PTPRN2: variants seen among roughly 807,000 people sequenced by gnomAD.
PTPRN2 encodes receptor-type tyrosine-protein phosphatase N2.
A neutral mutation model predicts 118.8 loss-of-function variants in PTPRN2; 74 were observed. The ratio of observed to expected loss-of-function variants is 0.62; its 90% CI spans 0.52 to 0.76. PTPRN2 has a LOEUF of 0.76. Ranked by LOEUF, PTPRN2 falls within the 30% of genes least tolerant of loss-of-function variation. The pLI is 0.00. For synonymous variants in PTPRN2, 641 were observed against 608.0 expected (o/e 1.05, Z -0.80); for missense variants, 1,481 against 1,394.4 (o/e 1.06, Z -0.99).
rs1237817979 is a variant in PTPRN2 at position 157,609,525 on chromosome 7, C to T, written c.2345-5450G>A. On this transcript the variant is annotated intron_variant, in intron 15 of 22. Coordinates refer to ENST00000389418, the MANE Select transcript of PTPRN2 (RefSeq NM_002847.5). This position sits in a 1 kb window ranked among gnomAD's most constrained non-coding sequence, Gnocchi z 4.9. Reference sequence around the variant, plus strand: ...ACGGACAGAACAGGGACTACTTTCCCGTTTTAGGCTGAAGAAACTAAGACT... The same window carrying T: ...ACGGACAGAACAGGGACTACTTTCCTGTTTTAGGCTGAAGAAACTAAGACT... 5.9e-5 allele frequency among the ~76,000 whole-genome samples: 9 copies of T among 152,334 alleles called. No individual in the cohort carries two copies. In the East Asian group the frequency reaches 1.5e-3, roughly 26 times the overall value.
intron 11 of PTPRN2, among the ~76,000 whole-genome samples, chr7:157,919,534 A>G (rs1798589135): frequency 6.6e-6 from 1 of 152,208 alleles, no homozygotes; most frequent in Non-Finnish European, 1.5e-5. Context: ...GAGGGAAGAA[A>G]TTAAGTAATA....
chr7:158,323,505 C>T (rs1474627417), intron 2 of PTPRN2, among the ~76,000 whole-genome samples: 2 of 152,174 alleles, frequency 1.3e-5, no homozygotes, highest in East Asian at 1.9e-4. Context: ...GACACAAAAG[C>T]TTTGAGGAGC....
chr7:158,174,064 G>C (rs1229981742), intron 5 of PTPRN2, among the ~76,000 whole-genome samples: 1 of 152,118 alleles, frequency 6.6e-6, no homozygotes, highest in African/African-American at 2.4e-5. Flanking sequence ...GACAGGCATA[G>C]GAAATTATAA....
chr7:158,579,122 C>T (rs552029222), intron 1 of PTPRN2, among the ~76,000 whole-genome samples: 6 of 152,302 alleles, frequency 3.9e-5, no homozygotes, highest in African/African-American at 1.4e-4. Flanking sequence ...GTGAAATAAA[C>T]TCCAAAGGGC....
intron 1 of PTPRN2, among the ~76,000 whole-genome samples, chr7:158,531,802 G>A (rs929305219): frequency 7.2e-5 from 11 of 152,116 alleles, no homozygotes; most frequent in African/African-American, 1.4e-4. Flanking sequence ...TAGAAAGAAC[G>A]TGGTGAACAG....
intron 12 of PTPRN2, among the ~76,000 whole-genome samples, chr7:157,696,969 G>A (rs545819661): frequency 0.014 from 817 of 59,232 alleles, 31 homozygotes; most frequent in African/African-American, 0.035. Context: ...AGCCCTCACC[G>A]TCTACCCATG....
At chr7:158,483,953 C>T (rs187940192) in intron 2 of PTPRN2, among the ~76,000 whole-genome samples, 5 of 152,082 alleles carry the variant, frequency 3.3e-5, no homozygotes, top group Non-Finnish European at 7.4e-5. Context: ...GCCTGGGAAA[C>T]ATAGTGAGAC....
intron 2 of PTPRN2, among the ~76,000 whole-genome samples, chr7:158,318,393 C>T (rs1254678287): frequency 1.3e-5 from 2 of 152,212 alleles, no homozygotes; most frequent in Non-Finnish European, 2.9e-5. Flanking sequence ...AACTGGGCAG[C>T]ACGTCGAGAC....
At chr7:157,686,090 C>T (rs1335939149) in intron 12 of PTPRN2, among the ~76,000 whole-genome samples, 1 of 152,198 alleles carries the variant, frequency 6.6e-6, no homozygotes, top group Non-Finnish European at 1.5e-5. Context: ...GAGGGTCTTA[C>T]TGCAGGGAAG....
chr7:158,154,735 A>T (rs1373867764), intron 6 of PTPRN2, among the ~76,000 whole-genome samples: 3 of 137,380 alleles, frequency 2.2e-5, no homozygotes, highest in African/African-American at 7.8e-5. Context: ...GTTATCATTA[A>T]TGAAAAATAA....
rs577448487 is a variant in PTPRN2, at chr7:158,122,865, G to A, written c.1556+10812C>T. Among the ~76,000 whole-genome samples the A allele has an allele frequency of 1.1e-4, 16 of 152,292 alleles. 1 individual carries two copies. In the East Asian group the frequency reaches 1.7e-3, roughly 17 times the overall value. On this transcript the variant is annotated intron_variant, in intron 9 of 22. Coordinates refer to ENST00000389418, the MANE Select transcript of PTPRN2 (RefSeq NM_002847.5). ...ACCTACACTTGTTCTTAACAAAACC[G>A]AAGGAAGCCTGCATAAAACTTCTCC...
At position 157,810,771 on chromosome 7, in the gene PTPRN2, C is replaced by A. The variant is rs184502616; in HGVS notation, c.1788+87902G>T. Among the ~76,000 whole-genome samples the A allele has an allele frequency of 1.8e-3, 259 of 146,104 alleles. 3 individuals carry two copies. Among genetic ancestry groups the A allele is most frequent in the African/African-American group, 5.7e-3 (224 of 39,114 alleles). ...ACGGGGACGGCGGGACTGCTGGGCA[C>A]AGGCTCTCCACAAGGACGGCAGGAC... On this transcript the variant is annotated intron_variant, in intron 12 of 22. Transcript: ENST00000389418.
chr7:157,916,202 C>T (rs960537540), intron 11 of PTPRN2, among the ~76,000 whole-genome samples: 27 of 152,226 alleles, frequency 1.8e-4, no homozygotes, highest in African/African-American at 5.5e-4. Context: ...GGTCTCTCCT[C>T]GGCCCCAGTC....
rs1382136980 is a variant in PTPRN2, at chr7:157,622,137, C to T, written c.2197-628G>A. ...AAACCCCCATGCCGCCAGCACAGCC[C>T]ACTCGGTTCTTATTCATCTGTACCG... On this transcript the variant is annotated intron_variant, in intron 14 of 22. Coordinates refer to ENST00000389418, the MANE Select transcript of PTPRN2 (RefSeq NM_002847.5). This position sits in a 1 kb window ranked among gnomAD's most constrained non-coding sequence, Gnocchi z 5.3. Among the ~76,000 whole-genome samples the T allele has an allele frequency of 1.3e-5, 2 of 152,074 alleles. No individual in the cohort carries two copies. Among genetic ancestry groups the T allele is most frequent in the African/African-American group, 2.4e-5 (1 of 41,410 alleles).
intron 1 of PTPRN2, among the ~76,000 whole-genome samples, chr7:158,499,156 ATATCATCAT>A (rs1303159722): frequency 1.3e-5 from 2 of 152,186 alleles, no homozygotes; most frequent in Admixed American, 6.5e-5. Context: ...AATGTGAGTT[ATATCATCAT>A]TATCATCATC....
chr7:157,891,205 A>G (rs1407333925), intron 12 of PTPRN2, among the ~76,000 whole-genome samples: 1 of 152,188 alleles, frequency 6.6e-6, no homozygotes, highest in East Asian at 1.9e-4. Context: ...TGATTTGGCC[A>G]AAGTCTGCAT....
chr7:157,581,092 C>T (rs899166927), intron 17 of PTPRN2, among the ~76,000 whole-genome samples: 7 of 150,190 alleles, frequency 4.7e-5, no homozygotes, highest in African/African-American at 1.7e-4. Flanking sequence ...AGCCCCTGCA[C>T]ACTCCAGCAC....
chr7:158,512,622 C>A (rs576168742), intron 1 of PTPRN2, among the ~76,000 whole-genome samples: 1 of 152,152 alleles, frequency 6.6e-6, no homozygotes, highest in Non-Finnish European at 1.5e-5. Context: ...GCAAGGACAT[C>A]CCCGCAGTAA....
At chr7:158,399,990 C>T (rs1812811719) in intron 2 of PTPRN2, among the ~76,000 whole-genome samples, 1 of 152,132 alleles carries the variant, frequency 6.6e-6, no homozygotes, top group Non-Finnish European at 1.5e-5. Context: ...CTGGGTTTGC[C>T]AAACTCCCTG....
Sources: allele counts gnomAD v4.1 joint callset (sites outside exome capture counted in the v4.1 genomes callset), GRCh38; gene constraint gnomAD v4.1.1; non-coding constraint Gnocchi (gnomAD v3.1); transcripts MANE v1.5; gene names NCBI Gene and HGNC (gene_info 2026-07-23, HGNC 2026-07-21).